The following ADAM2 variants were observed in gnomAD, a reference collection of about 807,000 sequenced individuals.
ADAM2 encodes disintegrin and metalloproteinase domain-containing protein 2.
A neutral mutation model predicts 99.3 loss-of-function variants in ADAM2; 101 were observed. That is an observed-to-expected ratio of 1.02 (90% CI 0.87 to 1.20). The LOEUF (loss-of-function observed/expected upper bound fraction) is 1.20, where lower values mean the gene tolerates loss of function less well. Among genes scored for constraint, ADAM2 ranks in the 50% most tolerant of loss-of-function variants. ADAM2 has a pLI of 0.00. For synonymous variants in ADAM2, 323 were observed against 287.6 expected (o/e 1.12, Z -1.25); for missense variants, 948 against 878.7 (o/e 1.08, Z -1.00).
intron 7 of ADAM2, among the ~76,000 whole-genome samples, chr8:39,809,072 A>C (rs1428093249): frequency 6.6e-6 from 1 of 152,188 alleles, no homozygotes; most frequent in Non-Finnish European, 1.5e-5. Context: ...TACAGATGGG[A>C]AACTTTTATT....
intron 7 of ADAM2, among the ~76,000 whole-genome samples, chr8:39,793,520 T>C (rs1166607937): frequency 1.3e-5 from 2 of 152,108 alleles, no homozygotes; most frequent in African/African-American, 2.4e-5. Flanking sequence ...GAAACCTGAC[T>C]TGTAACCACT....
intron 6 of ADAM2, among the ~76,000 whole-genome samples, chr8:39,812,529 T>A (rs1215949354): frequency 1.3e-5 from 2 of 152,090 alleles, no homozygotes; most frequent in Non-Finnish European, 2.9e-5. Flanking sequence ...CAAACTATAC[T>A]ACAAGGCCAC....
At chr8:39,747,224 G>T (rs1031934441) in intron 18 of ADAM2, among the ~76,000 whole-genome samples, 3 of 152,156 alleles carry the variant, frequency 2.0e-5, no homozygotes, top group Admixed American at 6.5e-5. Context: ...GCCTATAGTT[G>T]ATTGGGGACC....
At chr8:39,824,677 T>C (rs551346038) in intron 4 of ADAM2, 142 bp downstream of exon 4, 2 of 640,886 alleles carry the variant, frequency 3.1e-6, no homozygotes, top group Non-Finnish European at 2.8e-6. Flanking sequence ...AGTACATCAG[T>C]ATACATCATT....
In ADAM2 at chr8:39,782,305, T is replaced by A. The variant is rs374519211; in HGVS notation, c.891+4669A>T. Reference sequence around the variant, plus strand: ...TAATGATTGATTTCAAATATAAAATTCATCTTGTATTCCTAGAATAATTTC... The same window carrying A: ...TAATGATTGATTTCAAATATAAAATACATCTTGTATTCCTAGAATAATTTC... On this transcript the variant is annotated intron_variant, in intron 10 of 20. Transcript: ENST00000265708. Among the ~76,000 whole-genome samples the A allele has an allele frequency of 9.8e-4, 149 of 152,290 alleles. 3 individuals are homozygous for A. The South Asian group carries it at 0.03, about 30-fold the overall frequency.
chr8:39,815,271 T>A (rs967586038), intron 6 of ADAM2, among the ~76,000 whole-genome samples: 1 of 152,176 alleles, frequency 6.6e-6, no homozygotes, highest in Admixed American at 6.5e-5. Flanking sequence ...TAAGGAGATA[T>A]GATTATGTTC....
chr8:39,837,753 C>G (rs1230350453), intron 1 of ADAM2, among the ~76,000 whole-genome samples: 1 of 152,020 alleles, frequency 6.6e-6, no homozygotes, highest in East Asian at 1.9e-4. Flanking sequence ...ATCTGGTAAC[C>G]TTGGGTCAAT....
chr8:39,808,633 G>T (rs546682915), intron 7 of ADAM2, among the ~76,000 whole-genome samples: 1 of 152,258 alleles, frequency 6.6e-6, no homozygotes, highest in Admixed American at 6.5e-5. Context: ...TAAGGAAAAA[G>T]TTGGCCAGGC....
rs939294804 is a variant in ADAM2 at position 39,809,535 on chromosome 8, C to T, written c.514-69G>A. 279 of 709,988 alleles carry T rather than the reference C, an allele frequency of 3.9e-4. 1 individual carries two copies. Among genetic ancestry groups the T allele is most frequent in the Non-Finnish European group, 6.8e-4 (274 of 401,326 alleles). 44.0% of individuals were successfully genotyped at this position (709,988 alleles called of 1,614,324 possible). A position where few individuals can be genotyped will look rare whatever the true frequency, so the allele number is the denominator to read the frequency against. ...TAAGTATTTTTAGTGCATGTCACTA[C>T]TATTAATGAACTAAATATTGAAAAA... is the stretch of plus-strand genomic sequence containing the variant. On this transcript the variant is annotated intron_variant, in intron 6 of 20. Coordinates refer to ENST00000265708, the MANE Select transcript of ADAM2 (RefSeq NM_001464.5).
At chr8:39,816,813 G>T (rs996775267) in intron 6 of ADAM2, among the ~76,000 whole-genome samples, 3 of 152,144 alleles carry the variant, frequency 2.0e-5, no homozygotes, top group African/African-American at 7.2e-5. Context: ...TTCTTTGTAG[G>T]GCATAGAGTC....
At chr8:39,809,313 A>T in intron 7 of ADAM2, 97 bp downstream of exon 7, 2 of 646,082 alleles carry the variant, frequency 3.1e-6, no homozygotes, top group Non-Finnish European at 5.4e-6. Flanking sequence ...CTAAGGCAAA[A>T]TTATCAATTC....
In ADAM2 at chr8:39,777,038, T is replaced by G; in HGVS notation, c.1015A>C (p.Asn339His). 2 of 1,579,676 alleles carry G rather than the reference T, an allele frequency of 1.3e-6. No individual in the cohort carries two copies. Among genetic ancestry groups the G allele is most frequent in the Non-Finnish European group, 1.7e-6 (2 of 1,150,142 alleles). ...CQCSGAVCIM[N>H]PEAIHFSGVK... ...CAGAAATCTTACATTGCTTCTGGAT[T>G]CATAATGCAGACAGCTCCTGAGCAC... Residue 339 changes from asparagine to histidine, a missense_variant, in exon 11 of 21, where the codon AAT becomes CAT. Coordinates refer to ENST00000265708, the MANE Select transcript of ADAM2 (RefSeq NM_001464.5).
intron 7 of ADAM2, among the ~76,000 whole-genome samples, chr8:39,807,557 G>T (rs564675860): frequency 2.6e-5 from 4 of 152,200 alleles, no homozygotes. Context: ...ATATCATAAG[G>T]TTTCAATGAG....
At chr8:39,791,376 C>T (rs1053597148) in intron 7 of ADAM2, among the ~76,000 whole-genome samples, 7 of 152,096 alleles carry the variant, frequency 4.6e-5, no homozygotes, top group Non-Finnish European at 1.0e-4. Flanking sequence ...CCTGACACAG[C>T]TTATGTCTAC....
At chr8:39,805,287 G>T (rs535691895) in intron 7 of ADAM2, among the ~76,000 whole-genome samples, 3 of 152,160 alleles carry the variant, frequency 2.0e-5, no homozygotes, top group Non-Finnish European at 4.4e-5. Context: ...GCAGATAGGC[G>T]CAGGTCAAGA....
rs2129588535 is a variant in ADAM2 at position 39,824,841 on chromosome 8, T to A, written c.245A>T (p.Lys82Ile). Residue 82 changes from lysine to isoleucine, a missense_variant, in exon 4 of 21, where the codon AAA becomes ATA. By Grantham distance (102) the Lys-to-Ile change is moderately radical (BLOSUM62 -3). Coordinates refer to ENST00000265708, the MANE Select transcript of ADAM2 (RefSeq NM_001464.5). ...VYSYSGTGIM[K>I]PLDQDFQNFC... ...TACCTGAAAATCTTGGTCAAGTGGT[T>A]TCATAATTCCTGTGCCACTATAACT... The A allele has an allele frequency of 1.3e-6, 2 of 1,575,622 alleles. No individual in the cohort carries two copies. Among genetic ancestry groups the A allele is most frequent in the Non-Finnish European group, 1.7e-6 (2 of 1,151,148 alleles).
chr8:39,749,720 T>C lies in ADAM2; in HGVS notation c.1822A>G (p.Ser608Gly). 6.2e-7 allele frequency: 1 copy of C among 1,612,388 alleles called. No homozygotes were observed. ...NKVCRNQRCV[S>G]SSYLGYDCTT... is the part of the protein sequence containing the mutation. ...CAATCATAACCCAAGTATGAAGAAC[T>C]CACACATCTTTGATTCCTGCAAACC... is the stretch of plus-strand genomic sequence containing the variant. Residue 608 changes from serine (S) to glycine (G), a missense_variant, in exon 17 of 21, where the codon AGT (serine) becomes GGT (glycine). Physicochemically the swap from Ser to Gly is moderately conservative, Grantham distance 56 (BLOSUM62 0). Coordinates refer to ENST00000265708, the MANE Select transcript of ADAM2 (RefSeq NM_001464.5).
At position 39,819,213 on chromosome 8, in the gene ADAM2, G is replaced by C. The variant is rs183936989; in HGVS notation, c.513+1789C>G. Among the ~76,000 whole-genome samples the C allele has an allele frequency of 2.7e-3, 409 of 151,996 alleles. 2 individuals are homozygous for C. The highest frequency in any genetic ancestry group is 9.4e-3 in the African/African-American group (392 of 41,490). ...TTAATGGACTATAATTTTAAGTCTG[G>C]TAATAATACTTAACATTTATTGTCA... On this transcript the variant is annotated intron_variant, in intron 6 of 20. Transcript: ENST00000265708.
intron 3 of ADAM2, among the ~76,000 whole-genome samples, chr8:39,829,702 T>C (rs1302746770): frequency 6.6e-6 from 1 of 151,956 alleles, no homozygotes; most frequent in Non-Finnish European, 1.5e-5. Context: ...ATAATATACA[T>C]TTTAACATAA....
Sources: gnomAD v4.1 joint callset for allele counts (sites outside exome capture counted in the v4.1 genomes callset) on GRCh38, gnomAD v4.1.1 for gene constraint, MANE v1.5 for transcripts, NCBI Gene and HGNC (gene_info 2026-07-23, HGNC 2026-07-21) for gene names.